Variants in CDC14B observed in about 807,000 individuals in gnomAD.
The protein encoded by CDC14B is cell division cycle 14B.
A neutral mutation model predicts 64.2 loss-of-function variants in CDC14B; 22 were observed. The observed-to-expected ratio is 0.34, with a 90% CI of 0.24 to 0.49. CDC14B has a LOEUF of 0.49. Ranked by LOEUF, CDC14B falls within the 20% of genes least tolerant of loss-of-function variation. CDC14B has a pLI of 0.99. For synonymous variants in CDC14B, 191 were observed against 215.8 expected (o/e 0.89, Z 1.01); for missense variants, 498 against 629.9 (o/e 0.79, Z 2.24).
chr9:96,513,401 G>A (rs1394577159), intron 12 of CDC14B, among the ~76,000 whole-genome samples: 2 of 152,198 alleles, frequency 1.3e-5, no homozygotes, highest in Non-Finnish European at 2.9e-5. Context: ...CAGGGAACCC[G>A]GGCACTCGCG....
At chr9:96,526,388 C>T (rs941688443) in intron 9 of CDC14B, among the ~76,000 whole-genome samples, 22 of 152,010 alleles carry the variant, frequency 1.4e-4, no homozygotes, top group African/African-American at 3.6e-4. Context: ...AAGAAAGAGA[C>T]GGCAGGAGTT....
chr9:96,555,277 C>CT (rs1842355491), intron 4 of CDC14B, among the ~76,000 whole-genome samples: 1 of 152,154 alleles, frequency 6.6e-6, no homozygotes, highest in Non-Finnish European at 1.5e-5. Flanking sequence ...CTCTTAGAAC[C>CT]CTCGCTCTGG....
At chr9:96,596,453 A>C (rs777272886) in intron 1 of CDC14B, among the ~76,000 whole-genome samples, 1 of 152,200 alleles carries the variant, frequency 6.6e-6, no homozygotes, top group Non-Finnish European at 1.5e-5. Flanking sequence ...TACAATTATG[A>C]GATGAAAAAT....
chr9:96,584,344 T>C (rs775954089), intron 1 of CDC14B, among the ~76,000 whole-genome samples: 24 of 152,146 alleles, frequency 1.6e-4, no homozygotes, highest in Non-Finnish European at 2.9e-4. Flanking sequence ...GGGGTGTGGA[T>C]GACCAGATTG....
At chr9:96,513,942 A>G (rs1290190107) in intron 12 of CDC14B, among the ~76,000 whole-genome samples, 1 of 152,238 alleles carries the variant, frequency 6.6e-6, no homozygotes, top group African/African-American at 2.4e-5. Flanking sequence ...GTGATGACAG[A>G]GGATGGTGGA....
At chr9:96,555,551 T>G (rs1393467040) in intron 4 of CDC14B, among the ~76,000 whole-genome samples, 4 of 152,264 alleles carry the variant, frequency 2.6e-5, no homozygotes, top group Non-Finnish European at 5.9e-5. Flanking sequence ...TGCAGTAATT[T>G]GCTGGGCAGC....
rs1215700898 is a variant in CDC14B at position 96,534,713 on chromosome 9, G to A, written c.628-171C>T. The stretch of plus-strand genomic sequence containing the variant: ...TTTGCCCTGCTATAAGTATATCTAG[G>A]GAATGGACGTATATCCTGTTCCTAA... On this transcript the variant is annotated intron_variant, in intron 7 of 13. Transcript: ENST00000375241. Among the ~76,000 whole-genome samples the A allele has an allele frequency of 5.3e-5, 8 of 152,116 alleles. No individual in the cohort carries two copies. The South Asian group carries it at 8.3e-4, about 16-fold the overall frequency.
downstream of CDC14B, among the ~76,000 whole-genome samples, chr9:96,495,636 G>A (rs183912822): frequency 1.2e-4 from 18 of 152,296 alleles, no homozygotes; most frequent in South Asian, 4.1e-4. Context: ...TGGAGCCAGC[G>A]GTGATGCTGG....
At chr9:96,577,019 G>A (rs1014399186) in intron 1 of CDC14B, among the ~76,000 whole-genome samples, 4 of 152,086 alleles carry the variant, frequency 2.6e-5, no homozygotes, top group African/African-American at 7.2e-5. Flanking sequence ...TTGGGAGGCC[G>A]AGGTGGGTGG....
intron 1 of CDC14B, chr9:96,567,050 A>T: frequency 1.9e-5 from 20 of 1,077,816 alleles, no homozygotes; most frequent in Non-Finnish European, 2.5e-5. Flanking sequence ...GACGGACAGC[A>T]CCCCGCCCCA....
chr9:96,534,149 G>T lies in CDC14B; in HGVS notation c.724C>A (p.Gln242Lys), dbSNP rs188916907. ...TGAATATAAGTCTCAGGAGAATGTT[G>T]GTGGTAACCTACATAAAGAAATGCA... is the stretch of plus-strand genomic sequence containing the variant. ...SRARLESGYH[Q>K]HSPETYIQYF... The change falls in exon 9 of 14, where the codon CAA (glutamine) becomes AAA (lysine). Residue 242 changes from glutamine to lysine, a missense_variant. Coordinates refer to ENST00000375241, the MANE Select transcript of CDC14B (RefSeq NM_033331.4). The T allele has an allele frequency of 1.7e-5, 27 of 1,586,934 alleles. No homozygotes were observed. The Admixed American group carries it at 4.5e-4, about 26-fold the overall frequency.
chr9:96,566,939 G>T (rs866910805), intron 1 of CDC14B: 9 of 1,507,458 alleles, frequency 6.0e-6, no homozygotes, highest in Middle Eastern at 2.1e-4. Flanking sequence ...GGGGCAGCGG[G>T]CGCAGCGACA....
At chr9:96,564,750 A>G (rs372580779) in intron 3 of CDC14B, 27 bp downstream of exon 3, 124 of 1,381,432 alleles carry the variant, frequency 9.0e-5, no homozygotes, top group Non-Finnish European at 1.2e-4. Flanking sequence ...AACAATGATT[A>G]CTTAAGTCAA....
rs556156775 is a variant in CDC14B, at chr9:96,503,807, A to G, written c.1461-18T>C. 6.2e-7 allele frequency: 1 copy of G among 1,609,652 alleles called. No homozygotes were observed. The highest frequency in any genetic ancestry group is 2.2e-5 in the East Asian group (1 of 44,860). On this transcript the variant is annotated intron_variant, in intron 13 of 13. Coordinates refer to ENST00000375241, the MANE Select transcript of CDC14B (RefSeq NM_033331.4). ...TGGAGAGACTACAGGGGGAAAAAAA[A>G]GGATTTTTACCAGAAAGTTTACACA...
At chr9:96,541,277 G>A (rs1436193524) in intron 6 of CDC14B, among the ~76,000 whole-genome samples, 1 of 152,206 alleles carries the variant, frequency 6.6e-6, no homozygotes, top group Non-Finnish European at 1.5e-5. Context: ...TATGACCCAA[G>A]GAATCACTTG....
intron 13 of CDC14B, among the ~76,000 whole-genome samples, chr9:96,508,075 G>T (rs748103767): frequency 5.3e-5 from 8 of 151,650 alleles, no homozygotes; most frequent in Non-Finnish European, 8.8e-5. Context: ...GAGTACAGTG[G>T]TGTGATCATG....
At chr9:96,499,102 C>G (rs1464630597), downstream of CDC14B, among the ~76,000 whole-genome samples, 2 of 152,250 alleles carry the variant, frequency 1.3e-5, no homozygotes, top group South Asian at 2.1e-4. Flanking sequence ...GGGGAGAGCT[C>G]TAGTGGCCTC....
chr9:96,538,326 A>G (rs1262875836), intron 7 of CDC14B, among the ~76,000 whole-genome samples: 1 of 152,200 alleles, frequency 6.6e-6, no homozygotes, highest in African/African-American at 2.4e-5. Context: ...GGACAGGAGA[A>G]ATAGGGATAA....
intron 1 of CDC14B, among the ~76,000 whole-genome samples, chr9:96,567,529 T>C (rs1305912062): frequency 2.6e-5 from 4 of 152,260 alleles, no homozygotes; most frequent in African/African-American, 9.6e-5. Flanking sequence ...CGCTTTTAAT[T>C]GTGCAAGATT....
Sources: allele counts gnomAD v4.1 joint callset (sites outside exome capture counted in the v4.1 genomes callset), GRCh38; gene constraint gnomAD v4.1.1; transcripts MANE v1.5; gene names NCBI Gene and HGNC (gene_info 2026-07-23, HGNC 2026-07-21).